The following WDR72 variants were observed in gnomAD, a reference collection of about 807,000 sequenced individuals.
WDR72 encodes the protein WD repeat-containing protein 72.
In WDR72, 120 loss-of-function variants were observed where a neutral mutation model predicts 124.2. That is an observed-to-expected ratio of 0.97 (90% CI 0.83 to 1.12). The LOEUF (loss-of-function observed/expected upper bound fraction) is 1.12, where lower values mean the gene tolerates loss of function less well. Among genes scored for constraint, WDR72 ranks in the 50% most tolerant of loss-of-function variants. The pLI is 0.00. For missense variants in WDR72, 1,387 were observed against 1,278.8 expected, an observed-to-expected ratio of 1.08 and a Z score of -1.29; for synonymous variants, 452 against 441.7, an observed-to-expected ratio of 1.02 and a Z score of -0.29.
At chr15:53,522,695 G>C (rs1362523238) in intron 19 of WDR72, among the ~76,000 whole-genome samples, 2 of 151,994 alleles carry the variant, frequency 1.3e-5, no homozygotes, top group Non-Finnish European at 2.9e-5. Context: ...TATTGCATGA[G>C]AGAAGGGTTA....
chr15:53,555,405 GGAA>G, intron 18 of WDR72, among the ~76,000 whole-genome samples: 1 of 151,890 alleles, frequency 6.6e-6, no homozygotes, highest in Non-Finnish European at 1.5e-5. Context: ...TAGATCTGGG[GGAA>G]ACCGGGAAAT....
chr15:53,641,295 C>T (rs974402068), intron 14 of WDR72, among the ~76,000 whole-genome samples: 1 of 151,760 alleles, frequency 6.6e-6, no homozygotes, highest in Non-Finnish European at 1.5e-5. Context: ...TTTTTTTCCC[C>T]ATTTATCTCT....
At chr15:53,727,190 T>A (rs2018065626) in intron 2 of WDR72, among the ~76,000 whole-genome samples, 1 of 137,434 alleles carries the variant, frequency 7.3e-6, no homozygotes, top group Non-Finnish European at 1.5e-5. Flanking sequence ...ATCTCATCAC[T>A]GCACTCCAGC....
At chr15:53,637,840 C>T (rs1348890019) in intron 14 of WDR72, among the ~76,000 whole-genome samples, 4 of 152,262 alleles carry the variant, frequency 2.6e-5, no homozygotes, top group Admixed American at 2.6e-4. Context: ...AGAAACTGTT[C>T]ATGCGTGAAA....
intron 2 of WDR72, among the ~76,000 whole-genome samples, chr15:53,731,812 C>T (rs79077680): frequency 0.013 from 1,941 of 152,080 alleles, 39 homozygotes; most frequent in African/African-American, 0.045. Context: ...CCCACCATAC[C>T]ACACAACTTA....
rs1163498446 is a variant in WDR72 at position 53,546,526 on chromosome 15, A to T, written c.3149-23204T>A. Among the ~76,000 whole-genome samples the T allele has an allele frequency of 3.4e-5, 5 of 148,554 alleles. 1 individual carries two copies. The highest frequency in any genetic ancestry group is 2.0e-4 in the East Asian group (1 of 4,946). ...CTGGGGACTGTGGTGGGGTGGGGGG[A>T]GAGGGGAGGGATAGCATTGGGAGAT... On this transcript the variant is annotated intron_variant, in intron 18 of 19. Coordinates refer to ENST00000360509, the MANE Select transcript of WDR72 (RefSeq NM_182758.4).
chr15:53,735,359 C>A lies in WDR72; in HGVS notation c.-12-2198G>T, dbSNP rs114930636. On this transcript the variant is annotated intron_variant, in intron 1 of 19. Coordinates refer to ENST00000360509, the MANE Select transcript of WDR72 (RefSeq NM_182758.4). ...GGAACTCATACACTGACGGGGGGAA[C>A]GTACAATGGAAAACAGTTTGGCAGA... Among the ~76,000 whole-genome samples, 73 of 152,034 alleles carry A rather than the reference C, an allele frequency of 4.8e-4. No individual in the cohort carries two copies. In the South Asian group the frequency reaches 0.015, roughly 31 times the overall value.
chr15:53,666,595 A>G (rs2015788042), intron 13 of WDR72, among the ~76,000 whole-genome samples: 1 of 152,198 alleles, frequency 6.6e-6, no homozygotes, highest in Non-Finnish European at 1.5e-5. Flanking sequence ...GTTATCTCCT[A>G]CTGAATAAAG....
intron 18 of WDR72, among the ~76,000 whole-genome samples, chr15:53,559,553 C>G (rs1368717568): frequency 6.6e-6 from 1 of 152,000 alleles, no homozygotes. Flanking sequence ...CATAATAGCT[C>G]TATTCGGGGC....
chr15:53,640,134 T>C (rs879498421), intron 14 of WDR72, among the ~76,000 whole-genome samples: 12 of 152,324 alleles, frequency 7.9e-5, no homozygotes, highest in Non-Finnish European at 8.8e-5. Flanking sequence ...AGCCTTTGGG[T>C]GTGAGTCCTG....
chr15:53,637,611 T>G (rs2014673141), intron 14 of WDR72, among the ~76,000 whole-genome samples: 1 of 152,164 alleles, frequency 6.6e-6, no homozygotes, highest in East Asian at 1.9e-4. Context: ...TGTGGTCACA[T>G]TTCTCTGACT....
At chr15:53,596,299 CT>C (rs996683798) in intron 18 of WDR72, among the ~76,000 whole-genome samples, 2 of 151,766 alleles carry the variant, frequency 1.3e-5, no homozygotes, top group Admixed American at 6.6e-5. Context: ...TAAAGTTGTA[CT>C]TTTTTTTACA....
intron 15 of WDR72, 84 bp downstream of exon 15, chr15:53,615,342 G>A: frequency 8.8e-7 from 1 of 1,138,040 alleles, no homozygotes; most frequent in African/African-American, 1.6e-5. Context: ...AGGAAGGAAT[G>A]TTAAAGAGCT....
intron 18 of WDR72, among the ~76,000 whole-genome samples, chr15:53,548,710 A>T (rs934161860): frequency 2.3e-4 from 34 of 150,644 alleles, no homozygotes; most frequent in Non-Finnish European, 3.8e-4. Context: ...GTTACATACT[A>T]TTTAGTAGTT....
At chr15:53,708,973 C>A (rs1213495655) in intron 9 of WDR72, among the ~76,000 whole-genome samples, 3 of 152,200 alleles carry the variant, frequency 2.0e-5, no homozygotes, top group African/African-American at 7.2e-5. Flanking sequence ...CAGATATGTA[C>A]ATGGGCATTA....
At chr15:53,661,683 A>G (rs918436092) in intron 14 of WDR72, among the ~76,000 whole-genome samples, 12 of 152,218 alleles carry the variant, frequency 7.9e-5, no homozygotes, top group Non-Finnish European at 1.5e-4. Context: ...TAGTAGATAC[A>G]TTAAAAAAAG....
chr15:53,741,994 C>A (rs1017055665), intron 1 of WDR72, among the ~76,000 whole-genome samples: 4 of 152,178 alleles, frequency 2.6e-5, no homozygotes, highest in African/African-American at 7.2e-5. Flanking sequence ...TCCCAAAGTG[C>A]TGGGATTACA....
At chr15:53,720,270 T>TAGA (rs2017840071) in intron 3 of WDR72, among the ~76,000 whole-genome samples, 1 of 152,212 alleles carries the variant, frequency 6.6e-6, no homozygotes, top group Non-Finnish European at 1.5e-5. Context: ...TCAACATCTT[T>TAGA]ACCCACCTCT....
intron 13 of WDR72, among the ~76,000 whole-genome samples, chr15:53,687,437 TA>T (rs2016676824): frequency 6.6e-6 from 1 of 151,330 alleles, no homozygotes; most frequent in Non-Finnish European, 1.5e-5. Flanking sequence ...CAAACACCTC[TA>T]TTCAAATAAA....
Sources: gnomAD v4.1 joint callset for allele counts (sites outside exome capture counted in the v4.1 genomes callset) on GRCh38, gnomAD v4.1.1 for gene constraint, MANE v1.5 for transcripts, NCBI Gene and HGNC (gene_info 2026-07-23, HGNC 2026-07-21) for gene names.